The following DDHD1 variants were observed in gnomAD, a reference collection of about 807,000 sequenced individuals.
DDHD1 encodes phospholipase DDHD1.
A neutral mutation model predicts 96.4 loss-of-function variants in DDHD1; 49 were observed. The ratio of observed to expected loss-of-function variants is 0.51; its 90% CI spans 0.40 to 0.64. The LOEUF (loss-of-function observed/expected upper bound fraction) is 0.64, where lower values mean the gene tolerates loss of function less well. Ranked by LOEUF, DDHD1 falls within the 30% of genes least tolerant of loss-of-function variation. The pLI is 0.00. For missense variants in DDHD1, 1,106 were observed against 1,161.2 expected, an observed-to-expected ratio of 0.95 and a Z score of 0.69; for synonymous variants, 442 against 446.5, an observed-to-expected ratio of 0.99 and a Z score of 0.13.
chr14:53,051,285 A>G (rs1480416001), intron 12 of DDHD1, among the ~76,000 whole-genome samples: 1 of 151,940 alleles, frequency 6.6e-6, no homozygotes, highest in African/African-American at 2.4e-5. Context: ...ATCCATAGTG[A>G]TACATTTAGA....
intron 4 of DDHD1, among the ~76,000 whole-genome samples, chr14:53,085,945 G>C (rs935031142): frequency 3.3e-5 from 5 of 152,208 alleles, no homozygotes; most frequent in African/African-American, 1.2e-4. Context: ...ACAGTGTAGA[G>C]AAGACCTTAA....
chr14:53,046,713 T>A lies in DDHD1; in HGVS notation c.*55A>T. On this transcript the variant is annotated 3_prime_UTR_variant, in exon 13 of 13. Coordinates refer to ENST00000673822, the MANE Select transcript of DDHD1 (RefSeq NM_001160148.2). ...AAATCTCCGTATCTTGACACACACA[T>A]TTTAACGGAAAAAAAAAAAATCAGT... The A allele has an allele frequency of 1.6e-6, 2 of 1,284,592 alleles. No individual in the cohort carries two copies. Among genetic ancestry groups the A allele is most frequent in the Non-Finnish European group, 2.1e-6 (2 of 948,500 alleles). 79.6% of individuals were successfully genotyped at this position (1,284,592 alleles called of 1,614,324 possible).
chr14:53,137,592 AAAAAATAAAAAT>A (rs539044681), intron 1 of DDHD1, among the ~76,000 whole-genome samples: 2,181 of 152,036 alleles, frequency 0.014, 18 homozygotes, highest in Non-Finnish European at 0.02. Context: ...ACTCTTTCTC[AAAAAATAAAAAT>A]AAAAATAAAA....
At chr14:53,082,268 C>T (rs1323629891) in intron 4 of DDHD1, among the ~76,000 whole-genome samples, 1 of 152,036 alleles carries the variant, frequency 6.6e-6, no homozygotes, top group African/African-American at 2.4e-5. Flanking sequence ...TTAAGAATTA[C>T]TGTACAACTG....
chr14:53,091,167 C>G (rs1250466104), intron 4 of DDHD1, among the ~76,000 whole-genome samples: 1 of 152,092 alleles, frequency 6.6e-6, no homozygotes, highest in South Asian at 2.1e-4. Context: ...GTGGTGGAAC[C>G]CTTAACCCTA....
intron 1 of DDHD1, among the ~76,000 whole-genome samples, chr14:53,145,930 G>A (rs1480674456): frequency 6.6e-6 from 1 of 152,220 alleles, no homozygotes; most frequent in Non-Finnish European, 1.5e-5. Context: ...TAATGGGCAG[G>A]GTATGGTGGC....
intron 1 of DDHD1, among the ~76,000 whole-genome samples, chr14:53,147,102 T>C (rs1194636574): frequency 6.6e-6 from 1 of 152,174 alleles, no homozygotes; most frequent in Non-Finnish European, 1.5e-5. Flanking sequence ...GAATAATACA[T>C]TCTCCTTCTA....
At chr14:53,151,437 C>G (rs1341115498) in intron 1 of DDHD1, among the ~76,000 whole-genome samples, 2 of 152,222 alleles carry the variant, frequency 1.3e-5, no homozygotes, top group Non-Finnish European at 1.5e-5. Context: ...TCCTCCTATT[C>G]TAACTATAAA....
intron 10 of DDHD1, among the ~76,000 whole-genome samples, chr14:53,055,161 C>A (rs1029471231): frequency 3.3e-5 from 5 of 152,146 alleles, no homozygotes; most frequent in African/African-American, 1.2e-4. Context: ...ACCACATAAT[C>A]GAGTTCCAGT....
chr14:53,088,704 A>G (rs1886189985), intron 4 of DDHD1, among the ~76,000 whole-genome samples: 1 of 152,246 alleles, frequency 6.6e-6, no homozygotes, highest in Non-Finnish European at 1.5e-5. Context: ...ACAAAACCAC[A>G]GCCAATATCA....
At chr14:53,137,820 G>C (rs751549141) in intron 1 of DDHD1, among the ~76,000 whole-genome samples, 3 of 151,912 alleles carry the variant, frequency 2.0e-5, no homozygotes, top group Non-Finnish European at 4.4e-5. Context: ...CCATGCAGAT[G>C]AATTATGAAG....
intron 1 of DDHD1, among the ~76,000 whole-genome samples, chr14:53,114,976 T>C (rs1302473071): frequency 6.6e-6 from 1 of 152,054 alleles, no homozygotes; most frequent in Non-Finnish European, 1.5e-5. Context: ...CTAAGAACCT[T>C]GATAAAGGTT....
intron 9 of DDHD1, among the ~76,000 whole-genome samples, chr14:53,056,242 C>T (rs1883045474): frequency 6.6e-6 from 1 of 152,054 alleles, no homozygotes; most frequent in African/African-American, 2.4e-5. Context: ...TCCTGGGAAA[C>T]AGCAAATAAG....
intron 6 of DDHD1, among the ~76,000 whole-genome samples, chr14:53,070,202 C>T (rs975032040): frequency 1.7e-4 from 26 of 152,136 alleles, no homozygotes; most frequent in African/African-American, 6.3e-4. Flanking sequence ...ATATTATATT[C>T]TGTGCTATAA....
Position 53,042,574 on chromosome 14 carries a change from A to G in DDHD1, c.*4194T>C, listed in dbSNP as rs1046527892. ...CAGTTCTTTGAAAACTATCACAAGC[A>G]TCTACTGAAGACTGAAAGAGAAAGC... is the stretch of plus-strand genomic sequence containing the variant. On this transcript the variant is annotated 3_prime_UTR_variant, in exon 13 of 13. Transcript: ENST00000673822. 6.6e-6 allele frequency: 1 copy of G among 152,236 alleles called. No homozygotes were observed. Among genetic ancestry groups the G allele is most frequent in the Non-Finnish European group, 1.5e-5 (1 of 68,048 alleles). The allele number at this position is 152,236 out of a possible 1,614,324, so 9.4% of individuals were successfully genotyped here. A position where few individuals can be genotyped will look rare whatever the true frequency, so the allele number is the denominator to read the frequency against.
chr14:53,122,331 T>A (rs1013211242), intron 1 of DDHD1, among the ~76,000 whole-genome samples: 5 of 152,140 alleles, frequency 3.3e-5, no homozygotes, highest in Admixed American at 6.5e-5. Context: ...CAGCTTACAA[T>A]GAGTTCCACA....
At chr14:53,145,429 G>A (rs750573775) in intron 1 of DDHD1, among the ~76,000 whole-genome samples, 54 of 150,596 alleles carry the variant, frequency 3.6e-4, no homozygotes, top group Admixed American at 6.0e-4. Flanking sequence ...CCTGAGCCTG[G>A]GAGGTCAAGG....
Position 53,072,594 on chromosome 14 carries a change from T to G in DDHD1, c.1503+3A>C, listed in dbSNP as rs1468575950. On this transcript the variant is annotated splice_donor_region_variant and intron_variant, in intron 6 of 12. Transcript: ENST00000673822. ...CCACCAGCAAGATAATCATGACACT[T>G]ACTTCATCTCTATAAAGTGGACTAG... 2 of 1,494,708 alleles carry G rather than the reference T, an allele frequency of 1.3e-6. No individual in the cohort carries two copies. The highest frequency in any genetic ancestry group is 2.8e-5 in the South Asian group (2 of 72,588). 92.6% of individuals were successfully genotyped at this position (1,494,708 alleles called of 1,614,324 possible). A position where few individuals can be genotyped will look rare whatever the true frequency, so the allele number is the denominator to read the frequency against.
At chr14:53,117,997 C>T (rs577987428) in intron 1 of DDHD1, among the ~76,000 whole-genome samples, 6 of 152,254 alleles carry the variant, frequency 3.9e-5, no homozygotes, top group African/African-American at 4.8e-5. Flanking sequence ...CTGCAGCCTC[C>T]GCTGGTGATA....
Sources: gnomAD v4.1 joint callset for allele counts (sites outside exome capture counted in the v4.1 genomes callset) on GRCh38, gnomAD v4.1.1 for gene constraint, MANE v1.5 for transcripts, NCBI Gene and HGNC (gene_info 2026-07-23, HGNC 2026-07-21) for gene names.